Variants in ZRANB3 observed in about 807,000 individuals in gnomAD.
ZRANB3 encodes DNA annealing helicase and endonuclease ZRANB3.
ZRANB3 carries 125 observed loss-of-function variants against 133.8 expected under a neutral mutation model. The ratio of observed to expected loss-of-function variants is 0.93; its 90% CI spans 0.81 to 1.08. The LOEUF is 1.08. Ranked by LOEUF, ZRANB3 falls within the 50% of genes least tolerant of loss-of-function variation. The pLI is 0.00. For missense variants in ZRANB3, 1,229 were observed against 1,275.5 expected (o/e 0.96, Z 0.56); for synonymous variants, 387 against 432.7 (o/e 0.89, Z 1.31).
chr2:135,255,295 G>A (rs75790278), intron 12 of ZRANB3, among the ~76,000 whole-genome samples: 5 of 151,324 alleles, frequency 3.3e-5, no homozygotes, highest in Admixed American at 6.6e-5. Flanking sequence ...CACACACACA[G>A]CCCCCAGGGA....
chr2:135,485,175 AAACAAAACAAAACATAACAT>A (rs1692047464), intron 2 of ZRANB3, among the ~76,000 whole-genome samples: 4 of 127,038 alleles, frequency 3.1e-5, no homozygotes, highest in African/African-American at 1.3e-4. Context: ...AAACAAAACA[AAACAAAACAAAACATAACAT>A]AACATAACAT....
chr2:135,306,416 T>C (rs1239022253), intron 8 of ZRANB3, among the ~76,000 whole-genome samples: 2 of 148,606 alleles, frequency 1.3e-5, no homozygotes, highest in African/African-American at 2.5e-5. Flanking sequence ...GCCTCCCGAG[T>C]AGCTGGGACT....
intron 2 of ZRANB3, among the ~76,000 whole-genome samples, chr2:135,430,334 T>C (rs888461365): frequency 2.0e-5 from 3 of 152,056 alleles, no homozygotes; most frequent in African/African-American, 7.2e-5. Flanking sequence ...CAACATAAGG[T>C]ACATATGTTA....
chr2:135,351,217 C>T (rs1417803726), intron 4 of ZRANB3, among the ~76,000 whole-genome samples: 1 of 151,458 alleles, frequency 6.6e-6, no homozygotes, highest in African/African-American at 2.4e-5. Context: ...ATGGCTACTG[C>T]ATTTTAAGCC....
intron 2 of ZRANB3, among the ~76,000 whole-genome samples, chr2:135,421,384 T>C (rs1328461464): frequency 4.6e-5 from 7 of 152,190 alleles, no homozygotes. Context: ...AAAGCAATTT[T>C]TATTTCCATG....
At chr2:135,294,339 G>A (rs1293638178) in intron 8 of ZRANB3, among the ~76,000 whole-genome samples, 2 of 152,090 alleles carry the variant, frequency 1.3e-5, no homozygotes, top group Non-Finnish European at 2.9e-5. Context: ...TGTATGTGTT[G>A]AGGAATTTAT....
intron 3 of ZRANB3, among the ~76,000 whole-genome samples, chr2:135,370,808 T>C (rs1299632185): frequency 2.0e-5 from 3 of 152,200 alleles, no homozygotes; most frequent in Non-Finnish European, 4.4e-5. Flanking sequence ...TGTAATAATC[T>C]GCATGTGCCA....
At chr2:135,478,481 T>C (rs534258440) in intron 2 of ZRANB3, among the ~76,000 whole-genome samples, 20 of 152,278 alleles carry the variant, frequency 1.3e-4, no homozygotes, top group African/African-American at 4.8e-4. Context: ...CACCATAGAT[T>C]AATATGTTAT....
chr2:135,360,521 C>G (rs542822993), intron 3 of ZRANB3, among the ~76,000 whole-genome samples: 10 of 151,818 alleles, frequency 6.6e-5, no homozygotes, highest in Non-Finnish European at 1.5e-4. Flanking sequence ...CTGGCTAACA[C>G]GGTGAAACCC....
chr2:135,275,079 C>A (rs1680727282), intron 9 of ZRANB3, among the ~76,000 whole-genome samples: 1 of 152,230 alleles, frequency 6.6e-6, no homozygotes, highest in African/African-American at 2.4e-5. Flanking sequence ...CACATTTCCC[C>A]CTTTTCTATT....
intron 2 of ZRANB3, among the ~76,000 whole-genome samples, chr2:135,406,985 G>A (rs1033844618): frequency 3.3e-5 from 5 of 152,140 alleles, no homozygotes; most frequent in African/African-American, 1.2e-4. Context: ...AATCAGGCAG[G>A]AGAAGGAAAT....
intron 2 of ZRANB3, among the ~76,000 whole-genome samples, chr2:135,482,191 G>A (rs1190667696): frequency 2.9e-4 from 40 of 140,094 alleles, no homozygotes; most frequent in Admixed American, 1.1e-3. Flanking sequence ...CATTGAATCT[G>A]TAAATTACCT....
intron 6 of ZRANB3, among the ~76,000 whole-genome samples, chr2:135,323,757 CT>C (rs112073638): frequency 1.3e-5 from 2 of 150,450 alleles, no homozygotes; most frequent in South Asian, 2.1e-4. Context: ...GATTTTTTCT[CT>C]TTTTTTTTGA....
At chr2:135,403,039 C>A (rs113770494) in intron 2 of ZRANB3, among the ~76,000 whole-genome samples, 1 of 152,036 alleles carries the variant, frequency 6.6e-6, no homozygotes, top group Admixed American at 6.6e-5. Context: ...ACGCAGAAGA[C>A]GGGTGATTTC....
intron 2 of ZRANB3, among the ~76,000 whole-genome samples, chr2:135,404,747 G>A (rs921247188): frequency 9.2e-5 from 14 of 152,174 alleles, no homozygotes; most frequent in South Asian, 2.1e-4. Context: ...GACTAACGGC[G>A]GATCTCTCGG....
chr2:135,227,064 G>A (rs1309673339), intron 14 of ZRANB3, among the ~76,000 whole-genome samples: 4 of 152,160 alleles, frequency 2.6e-5, no homozygotes, highest in East Asian at 3.8e-4. Flanking sequence ...AACTAACTTA[G>A]AAGAAAAGCT....
chr2:135,511,120 C>G, intron 1 of ZRANB3: 1 of 769,054 alleles, frequency 1.3e-6, no homozygotes, highest in Non-Finnish European at 2.4e-6. Context: ...AGTACTTTAC[C>G]AACATAAGGA....
intron 2 of ZRANB3, among the ~76,000 whole-genome samples, chr2:135,407,317 A>C (rs1013708602): frequency 7.9e-5 from 12 of 152,156 alleles, no homozygotes; most frequent in African/African-American, 2.9e-4. Flanking sequence ...TCAATGAAAT[A>C]AAAAAGGATA....
chr2:135,351,937 G>C (rs1174586106), intron 4 of ZRANB3, among the ~76,000 whole-genome samples: 1 of 152,144 alleles, frequency 6.6e-6, no homozygotes, highest in East Asian at 1.9e-4. Context: ...CCATTTAACT[G>C]CAAGAGTGTA....
Sources: gnomAD v4.1 joint callset for allele counts (sites outside exome capture counted in the v4.1 genomes callset) on GRCh38, gnomAD v4.1.1 for gene constraint, MANE v1.5 for transcripts, NCBI Gene and HGNC (gene_info 2026-07-23, HGNC 2026-07-21) for gene names.